Variants in XIRP2 observed in about 807,000 individuals in gnomAD.
XIRP2 encodes xin actin-binding repeat-containing protein 2.
A neutral mutation model predicts 277.0 loss-of-function variants in XIRP2; 236 were observed. The observed-to-expected ratio is 0.85, with a 90% CI of 0.77 to 0.95. The LOEUF is 0.95. Among genes scored for constraint, XIRP2 ranks in the 40% least tolerant of loss-of-function variants. The pLI is 0.00. For synonymous variants in XIRP2, 1,490 were observed against 1,416.5 expected, an observed-to-expected ratio of 1.05 and a Z score of -1.17; for missense variants, 4,640 against 4,157.5, an observed-to-expected ratio of 1.12 and a Z score of -3.19.
At position 167,258,010 on chromosome 2, in the gene XIRP2, T is replaced by G. The variant is rs1343373654; in HGVS notation, c.*193T>G. ...AAAACCAAAGCAGATCAGTGGACTT[T>G]ATTCCTAATGAAGAACCAAATATGT... On this transcript the variant is annotated 3_prime_UTR_variant, in exon 11 of 11. Coordinates refer to ENST00000409195, the MANE Select transcript of XIRP2 (RefSeq NM_152381.6). The G allele has an allele frequency of 6.2e-7, 1 of 1,613,252 alleles. No individual in the cohort carries two copies. The highest frequency in any genetic ancestry group is 1.7e-5 in the Admixed American group (1 of 59,896).
intron 2 of XIRP2, among the ~76,000 whole-genome samples, chr2:167,031,817 T>A (rs1376661180): frequency 6.6e-6 from 1 of 151,956 alleles, no homozygotes; most frequent in Non-Finnish European, 1.5e-5. Context: ...CACAAACAAA[T>A]GGAAAAAAAT....
chr2:166,927,665 C>T (rs1414990922), intron 2 of XIRP2, among the ~76,000 whole-genome samples: 2 of 152,046 alleles, frequency 1.3e-5, no homozygotes, highest in African/African-American at 2.4e-5. Flanking sequence ...CTCAGCTAAA[C>T]CCTTTATTGT....
At chr2:167,053,282 C>T (rs1688959451) in intron 2 of XIRP2, among the ~76,000 whole-genome samples, 1 of 152,122 alleles carries the variant, frequency 6.6e-6, no homozygotes, top group African/African-American at 2.4e-5. Context: ...TGAATATTTT[C>T]TTGCATGCCT....
chr2:167,008,313 T>G (rs553214114), intron 2 of XIRP2, among the ~76,000 whole-genome samples: 2 of 151,642 alleles, frequency 1.3e-5, no homozygotes, highest in African/African-American at 4.8e-5. Flanking sequence ...GTTTCTTCAA[T>G]TGGTTTTTAT....
chr2:166,922,961 T>C (rs1685094204), intron 2 of XIRP2, among the ~76,000 whole-genome samples: 1 of 151,612 alleles, frequency 6.6e-6, no homozygotes, highest in Non-Finnish European at 1.5e-5. Context: ...TCTTCATCAC[T>C]GGATAAAAAC....
intron 3 of XIRP2, among the ~76,000 whole-genome samples, chr2:167,193,205 CTAGT>C (rs922557359): frequency 2.0e-5 from 3 of 152,280 alleles, no homozygotes; most frequent in African/African-American, 7.2e-5. Flanking sequence ...CTCTAAATTA[CTAGT>C]TATAGTTCCT....
chr2:167,079,923 T>G (rs1558971640), intron 2 of XIRP2, among the ~76,000 whole-genome samples: 1 of 151,998 alleles, frequency 6.6e-6, no homozygotes, highest in Non-Finnish European at 1.5e-5. Flanking sequence ...TTGTTTTTTG[T>G]TTTTTTGGGT....
intron 2 of XIRP2, among the ~76,000 whole-genome samples, chr2:166,909,431 G>A (rs1395011044): frequency 1.3e-5 from 2 of 152,154 alleles, no homozygotes; most frequent in African/African-American, 2.4e-5. Context: ...TGTTATTGGT[G>A]TATAAGAATG....
In XIRP2 at chr2:167,258,689, G is replaced by T. The variant is rs909368774; in HGVS notation, c.*872G>T. 1.2e-5 allele frequency: 19 copies of T among 1,612,612 alleles called. No homozygotes were observed. The highest frequency in any genetic ancestry group is 1.6e-4 in the Middle Eastern group (1 of 6,074). On this transcript the variant is annotated 3_prime_UTR_variant, in exon 11 of 11. Transcript: ENST00000409195. The stretch of plus-strand genomic sequence containing the variant: ...GAATAATAATAACAATTATGTAGCA[G>T]TCTCATATCTGAATAATTGCAGGCA...
chr2:166,956,338 T>C (rs1342913338), intron 2 of XIRP2, among the ~76,000 whole-genome samples: 1 of 151,868 alleles, frequency 6.6e-6, no homozygotes, highest in African/African-American at 2.4e-5. Context: ...TAATATCCTT[T>C]GTTAACTAAA....
chr2:167,130,924 A>G (rs1202232223), intron 2 of XIRP2, among the ~76,000 whole-genome samples: 1 of 152,122 alleles, frequency 6.6e-6, no homozygotes, highest in Non-Finnish European at 1.5e-5. Context: ...CCCTATTGGT[A>G]GCCCTGCAGA....
intron 2 of XIRP2, among the ~76,000 whole-genome samples, chr2:167,095,593 T>G (rs1044196771): frequency 5.3e-5 from 8 of 152,134 alleles, no homozygotes; most frequent in Non-Finnish European, 1.2e-4. Flanking sequence ...CGTCTTTGGT[T>G]CTGTTTATGT....
intron 2 of XIRP2, among the ~76,000 whole-genome samples, chr2:167,014,759 A>C (rs1687775146): frequency 6.6e-6 from 1 of 151,816 alleles, no homozygotes; most frequent in Non-Finnish European, 1.5e-5. Context: ...TTCATTAGCT[A>C]TTTATTGTGT....
chr2:166,954,865 G>A (rs1003034422), intron 2 of XIRP2, among the ~76,000 whole-genome samples: 2 of 151,932 alleles, frequency 1.3e-5, no homozygotes, highest in East Asian at 2.0e-4. Context: ...GTTGAACAAT[G>A]AGAACACAGG....
chr2:167,154,401 T>G (rs1324908392), intron 3 of XIRP2, among the ~76,000 whole-genome samples: 2 of 151,370 alleles, frequency 1.3e-5, no homozygotes, highest in African/African-American at 4.9e-5. Flanking sequence ...GTGCAGAAGC[T>G]CTTTAGTTTA....
At chr2:166,917,229 TC>T (rs1176318572) in intron 2 of XIRP2, among the ~76,000 whole-genome samples, 2 of 152,152 alleles carry the variant, frequency 1.3e-5, no homozygotes, top group Non-Finnish European at 2.9e-5. Context: ...CACTGAGTAA[TC>T]TTTTAACATA....
rs938350299 is a variant in XIRP2 at position 167,240,650 on chromosome 2, C to T, written c.970-14C>T. 1.9e-6 allele frequency: 3 copies of T among 1,609,240 alleles called. No homozygotes were observed. In the African/African-American group the frequency reaches 4.0e-5, roughly 22 times the overall value. ...CTTAAAAACAATTTATTTTCAAATTCTCTTTAAATACAGGTCTCTCATCTT... is the reference window on the plus strand; with the variant it reads ...CTTAAAAACAATTTATTTTCAAATTTTCTTTAAATACAGGTCTCTCATCTT... On this transcript the variant is annotated splice_polypyrimidine_tract_variant and intron_variant, in intron 6 of 10. Coordinates refer to ENST00000409195, the MANE Select transcript of XIRP2 (RefSeq NM_152381.6).
chr2:166,925,245 T>A (rs1477145243), intron 2 of XIRP2, among the ~76,000 whole-genome samples: 1 of 151,970 alleles, frequency 6.6e-6, no homozygotes, highest in East Asian at 1.9e-4. Context: ...GCATATGAAG[T>A]TTTCATTGAG....
intron 2 of XIRP2, among the ~76,000 whole-genome samples, chr2:166,999,389 A>G (rs1687306250): frequency 7.0e-6 from 1 of 142,570 alleles, no homozygotes; most frequent in Admixed American, 7.3e-5. Context: ...TTTTAGAAGT[A>G]AAGAAAATAT....
Sources: allele counts gnomAD v4.1 joint callset (sites outside exome capture counted in the v4.1 genomes callset), GRCh38; gene constraint gnomAD v4.1.1; transcripts MANE v1.5; gene names NCBI Gene and HGNC (gene_info 2026-07-23, HGNC 2026-07-21).